Variants in PRKCQ observed in about 807,000 individuals in gnomAD.
The protein encoded by PRKCQ is protein kinase C theta.
Under a neutral mutation model 91.2 loss-of-function variants are expected in PRKCQ, and 41 were observed. That is an observed-to-expected ratio of 0.45 (90% confidence interval 0.35 to 0.58). PRKCQ has a LOEUF of 0.58. Ranked by LOEUF, PRKCQ falls within the 20% of genes least tolerant of loss-of-function variation. The pLI is 0.00. For synonymous variants in PRKCQ, 307 were observed against 316.9 expected (o/e 0.97, Z 0.33); for missense variants, 673 against 896.5 (o/e 0.75, Z 3.18).
At position 6,432,494 on chromosome 10, in the gene PRKCQ, C is replaced by T. The variant is rs547075756; in HGVS notation, c.1837-1556G>A. Among the ~76,000 whole-genome samples, 12 of 152,290 alleles carry T rather than the reference C, an allele frequency of 7.9e-5. No individual in the cohort carries two copies. In the East Asian group the frequency reaches 2.3e-3, roughly 29 times the overall value. ...TTAGCAGTCTCAACTTCCTCTCTCC[C>T]CCTTACCATATGGGGACTGCTGAGG... On this transcript the variant is annotated intron_variant, in intron 16 of 17. Transcript: ENST00000263125.
intron 8 of PRKCQ, 70 bp from the exon 9 acceptor site, chr10:6,486,214 G>A (rs1432113081): frequency 2.3e-6 from 3 of 1,300,062 alleles, no homozygotes; most frequent in Non-Finnish European, 3.3e-6. Flanking sequence ...TCTCTCTGGA[G>A]GTAAGACAGA....
intron 1 of PRKCQ, among the ~76,000 whole-genome samples, chr10:6,552,041 T>C (rs71479784): frequency 7.2e-5 from 11 of 152,206 alleles, no homozygotes; most frequent in Non-Finnish European, 1.6e-4. Context: ...TATCTCATTG[T>C]GGTTTTGATT....
chr10:6,404,580 TTTCTTTC>T, the PRKCQ span, among the ~76,000 whole-genome samples: 18 of 149,124 alleles, frequency 1.2e-4, no homozygotes, highest in Non-Finnish European at 1.6e-4. Context: ...TTTCTCTTTC[TTTCTTTC>T]TTTTTTTCTC....
intron 15 of PRKCQ, among the ~76,000 whole-genome samples, chr10:6,446,625 C>G: frequency 6.6e-6 from 1 of 152,134 alleles, no homozygotes; most frequent in Non-Finnish European, 1.5e-5. Context: ...CTCCGCCTCC[C>G]AAAGTCCTGG....
intron 1 of PRKCQ, among the ~76,000 whole-genome samples, chr10:6,521,220 T>C (rs563791394): frequency 2.6e-4 from 39 of 152,328 alleles, no homozygotes; most frequent in South Asian, 6.2e-4. Flanking sequence ...CTGTCTGATA[T>C]ATGCTAGAGA....
rs548922150 is a variant in PRKCQ, at chr10:6,488,992, A to G, written c.790+2691T>C. Among the ~76,000 whole-genome samples the G allele has an allele frequency of 1.7e-3, 258 of 152,284 alleles. 2 individuals carry two copies. Among genetic ancestry groups the G allele is most frequent in the African/African-American group, 4.9e-3 (205 of 41,560 alleles). Reference sequence around the variant, plus strand: ...AGATGGGGGTCTCACTTTGTTGCCCAGGCTGGTCTCAAACTCCTGGGCTCA... The same window carrying G: ...AGATGGGGGTCTCACTTTGTTGCCCGGGCTGGTCTCAAACTCCTGGGCTCA... On this transcript the variant is annotated intron_variant, in intron 8 of 17. Transcript: ENST00000263125.
chr10:6,526,590 G>T (rs1839205861), intron 1 of PRKCQ, among the ~76,000 whole-genome samples: 1 of 152,124 alleles, frequency 6.6e-6, no homozygotes, highest in Admixed American at 6.5e-5. Context: ...GACAATGGCA[G>T]GTGAACGTTC....
the PRKCQ span, among the ~76,000 whole-genome samples, chr10:6,401,900 C>T: frequency 6.6e-6 from 1 of 152,310 alleles, no homozygotes; most frequent in African/African-American, 2.4e-5. Flanking sequence ...CTAATCCTGC[C>T]TGGTCACTGA....
chr10:6,566,426 A>T (rs1840839050), intron 1 of PRKCQ, among the ~76,000 whole-genome samples: 1 of 152,166 alleles, frequency 6.6e-6, no homozygotes, highest in Admixed American at 6.5e-5. Context: ...AGGACCCCTC[A>T]AAACAGCTAC....
chr10:6,578,650 G>C (rs1203903758), intron 1 of PRKCQ, among the ~76,000 whole-genome samples: 1 of 152,198 alleles, frequency 6.6e-6, no homozygotes, highest in Non-Finnish European at 1.5e-5. Flanking sequence ...AGGAGGAAGG[G>C]ACTAACAAGA....
intron 7 of PRKCQ, 102 bp from the exon 8 acceptor site, chr10:6,491,914 C>T (rs1473440027): frequency 4.7e-6 from 7 of 1,498,334 alleles, no homozygotes; most frequent in Middle Eastern, 1.7e-4. Context: ...ATAATGAAAA[C>T]ACTGGCATTG....
chr10:6,396,133 A>G, the PRKCQ span, among the ~76,000 whole-genome samples: 3 of 152,206 alleles, frequency 2.0e-5, no homozygotes, highest in African/African-American at 4.8e-5. Context: ...AGTTAAATAG[A>G]TAATAAATGT....
chr10:6,480,758 C>T (rs79525422), intron 11 of PRKCQ, among the ~76,000 whole-genome samples: 16 of 152,198 alleles, frequency 1.1e-4, no homozygotes, highest in East Asian at 1.9e-4. Context: ...TGGGAAAGGC[C>T]GAAGTCAATG....
Position 6,430,906 on chromosome 10 carries a change from G to A in PRKCQ, c.1869C>T (p.Gly623=), listed in dbSNP as rs1264630754. ...LFVREPEKRL[G]VRGDIRQHPL... ...GGTGCTGGCGGATGTCTCCCCTCAC[G>A]CCCAGCCTCTTCTCAGGTTCTCGCA... Residue 623 remains glycine, a synonymous_variant, in exon 17 of 18, where the codon GGC becomes GGT. Transcript: ENST00000263125. The surrounding 1 kb of genome is among the most constrained non-coding windows in gnomAD (Gnocchi z 4.7). The A allele has an allele frequency of 6.2e-6, 10 of 1,614,020 alleles. No homozygotes were observed. Among genetic ancestry groups the A allele is most frequent in the African/African-American group, 2.7e-5 (2 of 74,922 alleles).
At chr10:6,493,198 T>A (rs745435485) in intron 7 of PRKCQ, among the ~76,000 whole-genome samples, 6 of 152,264 alleles carry the variant, frequency 3.9e-5, no homozygotes, top group Middle Eastern at 6.8e-3. Context: ...TGGCGAACAC[T>A]TGAAAGGTGG....
At chr10:6,577,955 A>G (rs1035154897) in intron 1 of PRKCQ, among the ~76,000 whole-genome samples, 2 of 152,210 alleles carry the variant, frequency 1.3e-5, no homozygotes, top group African/African-American at 4.8e-5. Context: ...TCCACATGGA[A>G]TTTTGGTTAA....
chr10:6,485,338 G>A (rs978173688), intron 9 of PRKCQ, 69 bp from the exon 10 acceptor site: 6 of 1,210,946 alleles, frequency 5.0e-6, no homozygotes, highest in South Asian at 1.2e-5. Context: ...GCCTGCTAAC[G>A]ATGGGGACAA....
intron 1 of PRKCQ, among the ~76,000 whole-genome samples, chr10:6,532,439 GA>G (rs1453022572): frequency 6.6e-6 from 1 of 152,204 alleles, no homozygotes; most frequent in Non-Finnish European, 1.5e-5. Context: ...GACATTGCTT[GA>G]AATGTGCTTC....
the PRKCQ span, among the ~76,000 whole-genome samples, chr10:6,409,439 C>T: frequency 2.0e-5 from 3 of 152,270 alleles, no homozygotes; most frequent in East Asian, 1.9e-4. Flanking sequence ...GGATTACAGA[C>T]ATGCACCACT....
Sources: gnomAD v4.1 joint callset for allele counts (sites outside exome capture counted in the v4.1 genomes callset) on GRCh38, gnomAD v4.1.1 for gene constraint, Gnocchi (gnomAD v3.1) non-coding constraint, MANE v1.5 for transcripts, NCBI Gene and HGNC (gene_info 2026-07-23, HGNC 2026-07-21) for gene names.